PRKAR1A: variants seen among roughly 807,000 people sequenced by gnomAD.
The protein encoded by PRKAR1A is cAMP-dependent protein kinase type I-alpha regulatory subunit.
PRKAR1A carries 3 observed loss-of-function variants against 52.0 expected under a neutral mutation model. The ratio of observed to expected loss-of-function variants is 0.06; its 90% CI spans 0.03 to 0.15. The LOEUF is 0.15. Among genes scored for constraint, PRKAR1A ranks in the 10% least tolerant of loss-of-function variants. The pLI is 1.00. For synonymous variants in PRKAR1A, 188 were observed against 168.4 expected (o/e 1.12, Z -0.90); for missense variants, 240 against 477.4 (o/e 0.50, Z 4.63).
chr17:68,481,753 T>C, the PRKAR1A span, among the ~76,000 whole-genome samples: 9 of 152,224 alleles, frequency 5.9e-5, no homozygotes, highest in Non-Finnish European at 1.5e-5. Context: ...TGTGATATTA[T>C]TTAGGCACCC....
At chr17:68,428,680 A>T in the PRKAR1A span, 1 of 625,832 alleles carries the variant, frequency 1.6e-6, no homozygotes, top group Non-Finnish European at 2.8e-6. Context: ...AGCCCGGTGC[A>T]GAGCACTTGC....
the PRKAR1A span, chr17:68,426,296 C>T: frequency 1.3e-6 from 1 of 770,410 alleles, no homozygotes; most frequent in East Asian, 2.6e-5. Flanking sequence ...TGTCTGTCTT[C>T]CCCCTGGAGG....
At chr17:68,444,160 A>G in the PRKAR1A span, among the ~76,000 whole-genome samples, 1 of 152,210 alleles carries the variant, frequency 6.6e-6, no homozygotes, top group Non-Finnish European at 1.5e-5. Context: ...CGAACCACAA[A>G]AAACAATTAG....
At chr17:68,545,708 ACTT>A (rs2086523372) in intron 11 of PRKAR1A, among the ~76,000 whole-genome samples, 1 of 152,192 alleles carries the variant, frequency 6.6e-6, no homozygotes, top group Non-Finnish European at 1.5e-5. Context: ...CCAAAGTAGA[ACTT>A]CTGTCAAAAT....
At chr17:68,529,449 A>G (rs1361907375) in intron 9 of PRKAR1A, among the ~76,000 whole-genome samples, 3 of 152,268 alleles carry the variant, frequency 2.0e-5, no homozygotes, top group Admixed American at 6.5e-5. Context: ...GCAGATTTCT[A>G]TGAATGTGGC....
intron 11 of PRKAR1A, chr17:68,543,573 C>A (rs748626276): frequency 6.7e-7 from 1 of 1,497,626 alleles, no homozygotes; most frequent in South Asian, 1.1e-5. Flanking sequence ...TCTAGCCACC[C>A]CTCCCAGAGG....
chr17:68,517,093 A>G (rs1003176246), intron 2 of PRKAR1A, among the ~76,000 whole-genome samples: 6 of 152,256 alleles, frequency 3.9e-5, no homozygotes, highest in African/African-American at 1.4e-4. Context: ...AGCAATAAAT[A>G]ATTATTAAAA....
At chr17:68,541,796 T>G in intron 11 of PRKAR1A, 1 of 648,508 alleles carries the variant, frequency 1.5e-6, no homozygotes, top group Non-Finnish European at 2.6e-6. Context: ...GAAGGTTCTT[T>G]AGAACTGAAT....
At chr17:68,477,697 G>GTT in the PRKAR1A span, among the ~76,000 whole-genome samples, 4,270 of 146,944 alleles carry the variant, frequency 0.029, 186 homozygotes, top group African/African-American at 0.097. Context: ...TTTTATTCTT[G>GTT]TTTTTTTTTT....
At chr17:68,489,423 G>GTATATATATATGGAAAGTA in the PRKAR1A span, among the ~76,000 whole-genome samples, 39 of 80,184 alleles carry the variant, frequency 4.9e-4, 5 homozygotes, top group African/African-American at 1.8e-3. Flanking sequence ...TATATGGAAA[G>GTATATATATATGGAAAGTA]TATATATATA....
the PRKAR1A span, among the ~76,000 whole-genome samples, chr17:68,438,879 C>T: frequency 1.3e-5 from 2 of 152,192 alleles, no homozygotes; most frequent in Admixed American, 6.5e-5. Flanking sequence ...GGATTACAGG[C>T]GTGAGCCATC....
At chr17:68,550,434 G>T (rs1265298260) in intron 11 of PRKAR1A, among the ~76,000 whole-genome samples, 1 of 141,056 alleles carries the variant, frequency 7.1e-6, no homozygotes. Context: ...AGGCTGGAGT[G>T]CAGTGGTGCG....
At chr17:68,452,926 A>T in the PRKAR1A span, 6 of 1,614,008 alleles carry the variant, frequency 3.7e-6, no homozygotes, top group Non-Finnish European at 5.1e-6. Flanking sequence ...CGTGGACTTG[A>T]TCCAGCTGCT....
the PRKAR1A span, among the ~76,000 whole-genome samples, chr17:68,425,196 C>A: frequency 6.6e-6 from 1 of 152,110 alleles, no homozygotes; most frequent in Non-Finnish European, 1.5e-5. Context: ...CTCCACAGAG[C>A]ACACAATTGC....
chr17:68,537,773 G>A (rs1211886598), downstream of PRKAR1A: 1 of 1,592,786 alleles, frequency 6.3e-7, no homozygotes, highest in Non-Finnish European at 8.6e-7. This position sits in a 1 kb window ranked among gnomAD's most constrained non-coding sequence, Gnocchi z 4.2. Flanking sequence ...AACCAAATAA[G>A]CAAATGTAAA....
chr17:68,434,640 C>G, the PRKAR1A span: 77 of 1,613,506 alleles, frequency 4.8e-5, no homozygotes, highest in African/African-American at 7.2e-4. Context: ...GAAAAGAAAG[C>G]AGGTGGACAT....
At chr17:68,525,630 A>C in intron 6 of PRKAR1A, 124 bp from the exon 7 acceptor site, 1 of 1,070,796 alleles carries the variant, frequency 9.3e-7, no homozygotes, top group Admixed American at 1.8e-5. Context: ...TACTGCAAAC[A>C]TAATATATTC....
intron 2 of PRKAR1A, among the ~76,000 whole-genome samples, chr17:68,520,421 A>G (rs943202321): frequency 6.6e-6 from 1 of 152,242 alleles, no homozygotes; most frequent in Non-Finnish European, 1.5e-5. Flanking sequence ...CAAGAACATA[A>G]TTAACCACTG....
the PRKAR1A span, among the ~76,000 whole-genome samples, chr17:68,465,327 C>A: frequency 6.6e-6 from 1 of 152,176 alleles, no homozygotes; most frequent in Non-Finnish European, 1.5e-5. Context: ...GATCTCTTGG[C>A]TTGATGAGGG....
Sources: allele counts gnomAD v4.1 joint callset (sites outside exome capture counted in the v4.1 genomes callset), GRCh38; gene constraint gnomAD v4.1.1; non-coding constraint Gnocchi (gnomAD v3.1); transcripts MANE v1.5; gene names NCBI Gene and HGNC (gene_info 2026-07-23, HGNC 2026-07-21).